Variants in STXBP6 observed in about 807,000 individuals in gnomAD.
STXBP6 encodes the protein syntaxin binding protein 6, also known as syntaxin-binding protein 6.
STXBP6 carries 21 observed loss-of-function variants against 26.9 expected under a neutral mutation model. That is an observed-to-expected ratio of 0.78 (90% confidence interval 0.55 to 1.12). The LOEUF (loss-of-function observed/expected upper bound fraction) is 1.12, where lower values mean the gene tolerates loss of function less well. Among genes scored for constraint, STXBP6 ranks in the 50% most tolerant of loss-of-function variants. STXBP6 has a pLI of 0.00. For missense variants in STXBP6, 232 were observed against 257.9 expected, an observed-to-expected ratio of 0.90 and a Z score of 0.69; for synonymous variants, 97 against 92.6, an observed-to-expected ratio of 1.05 and a Z score of -0.27.
At chr14:24,899,802 A>AAAAAAAAAAAAAAAAAAAAAAAAAAAAG (rs2071142896) in intron 2 of STXBP6, among the ~76,000 whole-genome samples, 1 of 83,468 alleles carries the variant, frequency 1.2e-5, no homozygotes, top group Non-Finnish European at 2.1e-5. Context: ...AAAAAAAAGC[A>AAAAAAAAAAAAAAAAAAAAAAAAAAAAG]AAAAAAAAAA....
chr14:24,998,026 TGC>T (rs1242739670), intron 1 of STXBP6, among the ~76,000 whole-genome samples: 1 of 152,212 alleles, frequency 6.6e-6, no homozygotes, highest in East Asian at 1.9e-4. Context: ...TGTGCATCTG[TGC>T]AAATATTCTT....
intron 4 of STXBP6, among the ~76,000 whole-genome samples, chr14:24,833,078 A>G (rs1389630279): frequency 6.6e-6 from 1 of 152,198 alleles, no homozygotes; most frequent in African/African-American, 2.4e-5. Context: ...CTTCTCTTTC[A>G]TATCATGAGA....
intron 1 of STXBP6, among the ~76,000 whole-genome samples, chr14:24,997,963 G>A (rs1199658256): frequency 1.3e-5 from 2 of 151,796 alleles, no homozygotes; most frequent in Admixed American, 6.6e-5. Context: ...TTTCCTATTA[G>A]TGGATATTCA....
intron 2 of STXBP6, among the ~76,000 whole-genome samples, chr14:24,926,696 C>T (rs927102897): frequency 1.3e-5 from 2 of 152,112 alleles, no homozygotes; most frequent in Non-Finnish European, 2.9e-5. Flanking sequence ...TGTAGCATTA[C>T]GGTTAAGAGC....
In STXBP6 at chr14:25,049,713, C is replaced by A. The variant is rs76944633; in HGVS notation, c.-33+165G>T. 2,570 of 985,666 alleles carry A rather than the reference C, an allele frequency of 2.6e-3. 26 individuals are homozygous for A. In the East Asian group the frequency reaches 0.044, roughly 17 times the overall value. 61.1% of individuals were successfully genotyped at this position (985,666 alleles called of 1,614,324 possible). On this transcript the variant is annotated intron_variant, in intron 1 of 5. Transcript: ENST00000323944. This position sits in a 1 kb window ranked among gnomAD's most constrained non-coding sequence, Gnocchi z 5.6. ...GCGCGCGGCCCCCTCTCCCGCCACC[C>A]GCCAACTTGGAAGAATCTCTCTGGG...
At chr14:25,012,376 C>T (rs1050835711) in intron 1 of STXBP6, among the ~76,000 whole-genome samples, 1 of 152,162 alleles carries the variant, frequency 6.6e-6, no homozygotes, top group African/African-American at 2.4e-5. Flanking sequence ...CATGTGTAAT[C>T]CCAGCACTTT....
Position 25,049,060 on chromosome 14 carries a change from C to T in STXBP6, c.-33+818G>A, listed in dbSNP as rs2140534401. 1.4e-6 allele frequency: 1 copy of T among 712,324 alleles called. No individual in the cohort carries two copies. 44.1% of individuals were successfully genotyped at this position (712,324 alleles called of 1,614,324 possible). On this transcript the variant is annotated intron_variant, in intron 1 of 5. Coordinates refer to ENST00000323944, the MANE Select transcript of STXBP6 (RefSeq NM_001394410.1). This position sits in a 1 kb window ranked among gnomAD's most constrained non-coding sequence, Gnocchi z 5.6. ...GCCAGAACCAAGGGCAGATACACCC[C>T]GGGGACTTTCTCCTAAAGAACAAGA...
At chr14:24,874,829 G>A (rs573553896) in intron 2 of STXBP6, among the ~76,000 whole-genome samples, 6 of 152,048 alleles carry the variant, frequency 3.9e-5, no homozygotes, top group Admixed American at 6.5e-5. Flanking sequence ...CACATCGACC[G>A]GCTGTCTCCT....
intron 1 of STXBP6, among the ~76,000 whole-genome samples, chr14:25,041,381 A>T (rs1317633081): frequency 6.6e-6 from 1 of 152,216 alleles, no homozygotes; most frequent in Non-Finnish European, 1.5e-5. Context: ...GTGGATAAGG[A>T]TTTAATCTTA....
chr14:24,996,864 CAAAA>C (rs753413417), intron 1 of STXBP6, among the ~76,000 whole-genome samples: 3 of 60,892 alleles, frequency 4.9e-5, no homozygotes, highest in South Asian at 7.4e-4. Flanking sequence ...AACTCTGTCT[CAAAA>C]AAAAAAAAAA....
intron 1 of STXBP6, among the ~76,000 whole-genome samples, chr14:25,000,016 T>C (rs746718944): frequency 6.5e-4 from 99 of 152,180 alleles, no homozygotes; most frequent in Admixed American, 1.2e-3. Context: ...GACATCACCA[T>C]ATTGGCCTGA....
intron 1 of STXBP6, among the ~76,000 whole-genome samples, chr14:25,012,138 T>A (rs2075046024): frequency 1.3e-5 from 2 of 152,074 alleles, no homozygotes; most frequent in Admixed American, 1.3e-4. Flanking sequence ...CACTCAGGCA[T>A]ACACAAAAAT....
At chr14:25,048,197 G>A (rs903546043) in intron 1 of STXBP6, among the ~76,000 whole-genome samples, 1 of 152,220 alleles carries the variant, frequency 6.6e-6, no homozygotes, top group African/African-American at 2.4e-5. Context: ...CAAAACAACT[G>A]AGTAAAGAGC....
At chr14:24,978,406 G>A (rs1263554253) in intron 1 of STXBP6, among the ~76,000 whole-genome samples, 1 of 152,194 alleles carries the variant, frequency 6.6e-6, no homozygotes, top group Non-Finnish European at 1.5e-5. Context: ...AGAGAATATA[G>A]GAAGACAATG....
intron 1 of STXBP6, among the ~76,000 whole-genome samples, chr14:25,022,892 T>A (rs953244614): frequency 2.0e-5 from 3 of 152,188 alleles, no homozygotes; most frequent in African/African-American, 7.2e-5. Context: ...ATGAAATTCA[T>A]GATGTTCCTA....
intron 1 of STXBP6, among the ~76,000 whole-genome samples, chr14:25,026,858 A>G (rs1241827820): frequency 2.0e-5 from 3 of 152,206 alleles, no homozygotes; most frequent in African/African-American, 7.2e-5. Context: ...ACAGCCTTTT[A>G]CACCATTAAA....
At chr14:24,857,557 T>G (rs2069382682) in intron 2 of STXBP6, among the ~76,000 whole-genome samples, 1 of 152,010 alleles carries the variant, frequency 6.6e-6, no homozygotes, top group Non-Finnish European at 1.5e-5. Context: ...AGGCTGAATT[T>G]GAAAGGAAAT....
intron 1 of STXBP6, among the ~76,000 whole-genome samples, chr14:25,043,057 TA>T (rs2075669152): frequency 1.3e-5 from 2 of 152,204 alleles, no homozygotes; most frequent in Non-Finnish European, 2.9e-5. Flanking sequence ...AGGCAGAAGC[TA>T]AACTGAAACT....
intron 4 of STXBP6, among the ~76,000 whole-genome samples, chr14:24,852,995 G>A (rs2069206107): frequency 6.6e-6 from 1 of 152,096 alleles, no homozygotes; most frequent in Admixed American, 6.6e-5. Context: ...AGTTGATAAA[G>A]CATATTTCCA....
Sources: gnomAD v4.1 joint callset for allele counts (sites outside exome capture counted in the v4.1 genomes callset) on GRCh38, gnomAD v4.1.1 for gene constraint, Gnocchi (gnomAD v3.1) non-coding constraint, MANE v1.5 for transcripts, NCBI Gene and HGNC (gene_info 2026-07-23, HGNC 2026-07-21) for gene names.